USH2A: variants seen among roughly 807,000 people sequenced by gnomAD.
The protein encoded by USH2A is usherin.
Under a neutral mutation model 538.9 loss-of-function variants are expected in USH2A, and 443 were observed. The observed-to-expected ratio is 0.82, with a 90% CI of 0.76 to 0.89. The LOEUF (loss-of-function observed/expected upper bound fraction) is 0.89, where lower values mean the gene tolerates loss of function less well. Ranked by LOEUF, USH2A falls within the 40% of genes least tolerant of loss-of-function variation. The pLI is 0.00. For synonymous variants in USH2A, 2,413 were observed against 2,273.5 expected (o/e 1.06, Z -1.75); for missense variants, 6,633 against 6,324.8 (o/e 1.05, Z -1.65).
intron 32 of USH2A, among the ~76,000 whole-genome samples, chr1:216,024,670 A>G (rs1668921803): frequency 6.6e-6 from 1 of 151,988 alleles, no homozygotes; most frequent in Non-Finnish European, 1.5e-5. Context: ...TCCTTCATTT[A>G]TTAATTCCAT....
At chr1:216,016,631 C>T (rs1668718546) in intron 32 of USH2A, among the ~76,000 whole-genome samples, 1 of 152,144 alleles carries the variant, frequency 6.6e-6, no homozygotes, top group Non-Finnish European at 1.5e-5. Flanking sequence ...ATCCTTATAC[C>T]AGTCATCAGT....
rs1387176900 is a variant in USH2A at position 215,634,643 on chromosome 1, T to C, written c.15113A>G (p.Tyr5038Cys). ...KGSRSKSTEF[Y>C]SELWFIVLMA... ...TAACACTATGAACCACAGCTCGCTGTAGAACTCTGTGCTTTTGCTCCGCGA... is the reference window on the plus strand; with the variant it reads ...TAACACTATGAACCACAGCTCGCTGCAGAACTCTGTGCTTTTGCTCCGCGA... The change falls in exon 70 of 72, where the codon TAC becomes TGC. Residue 5038 changes from tyrosine (Y) to cysteine (C), a missense_variant. Physicochemically the swap from Tyr to Cys is radical, Grantham distance 194. Coordinates refer to ENST00000307340, the MANE Select transcript of USH2A (RefSeq NM_206933.4). The C allele has an allele frequency of 3.1e-6, 5 of 1,614,126 alleles. No individual in the cohort carries two copies. Among genetic ancestry groups the C allele is most frequent in the Admixed American group, 3.3e-5 (2 of 60,014 alleles).
intron 46 of USH2A, 144 bp from the exon 47 acceptor site, chr1:215,838,247 G>T (rs1390061891): frequency 1.1e-5 from 8 of 706,058 alleles, no homozygotes; most frequent in South Asian, 6.5e-5. Flanking sequence ...ATTCATTTTT[G>T]ATGTTAACTG....
chr1:215,775,635 C>G (rs1558092643), intron 55 of USH2A, among the ~76,000 whole-genome samples: 1 of 152,150 alleles, frequency 6.6e-6, no homozygotes, highest in African/African-American at 2.4e-5. Context: ...TATGGGAACA[C>G]ATAGCAGAGT....
chr1:216,193,226 A>G (rs905417146), intron 19 of USH2A, among the ~76,000 whole-genome samples: 5 of 152,182 alleles, frequency 3.3e-5, no homozygotes, highest in African/African-American at 1.2e-4. Context: ...CAAAGACCAC[A>G]TGAAAGTTAC....
chr1:216,215,795 GT>G (rs2035331668), intron 15 of USH2A, among the ~76,000 whole-genome samples: 1 of 152,072 alleles, frequency 6.6e-6, no homozygotes, highest in Non-Finnish European at 1.5e-5. Flanking sequence ...GAATGTGAGA[GT>G]TTTTAAAAAT....
Position 215,790,040 on chromosome 1 carries a change from G to C in USH2A, c.10182+19C>G. 6.2e-7 allele frequency: 1 copy of C among 1,609,418 alleles called. No homozygotes were observed. The highest frequency in any genetic ancestry group is 8.5e-7 in the Non-Finnish European group (1 of 1,178,260). ...TCCATTGTCAAATCAGCGCCTCCGA[G>C]AGCTTTTCTATCAATTACCTTCATC... On this transcript the variant is annotated intron_variant, in intron 51 of 71. Coordinates refer to ENST00000307340, the MANE Select transcript of USH2A (RefSeq NM_206933.4).
intron 11 of USH2A, among the ~76,000 whole-genome samples, chr1:216,280,297 C>T (rs770660475): frequency 6.6e-6 from 1 of 151,946 alleles, no homozygotes; most frequent in Non-Finnish European, 1.5e-5. Flanking sequence ...ATAAGATAGA[C>T]TTCTTTTCCA....
rs538406053 is a variant in USH2A at position 216,394,873 on chromosome 1, C to T, written c.651+23641G>A. ...AGCTGGGACTACAGGCGCCCGCCACCACGCCCGGCTAATTTTTTGTATTTT... is the reference window on the plus strand; with the variant it reads ...AGCTGGGACTACAGGCGCCCGCCACTACGCCCGGCTAATTTTTTGTATTTT... On this transcript the variant is annotated intron_variant, in intron 3 of 71. Coordinates refer to ENST00000307340, the MANE Select transcript of USH2A (RefSeq NM_206933.4). 3.0e-3 allele frequency among the ~76,000 whole-genome samples: 449 copies of T among 151,928 alleles called. 3 individuals are homozygous for T. Among genetic ancestry groups the T allele is most frequent in the African/African-American group, 9.9e-3 (411 of 41,462 alleles).
intron 21 of USH2A, among the ~76,000 whole-genome samples, chr1:216,097,929 G>A (rs2032482195): frequency 6.8e-6 from 1 of 146,704 alleles, no homozygotes; most frequent in Non-Finnish European, 1.5e-5. Flanking sequence ...ACCATTACAT[G>A]GCCCCATCTC....
At chr1:215,755,934 G>A (rs1386648656) in intron 58 of USH2A, among the ~76,000 whole-genome samples, 2 of 152,104 alleles carry the variant, frequency 1.3e-5, no homozygotes, top group African/African-American at 4.8e-5. Context: ...TTTGAAAGAG[G>A]TCTTGAAAAT....
intron 30 of USH2A, among the ~76,000 whole-genome samples, chr1:216,066,321 A>C (rs1389749170): frequency 1.3e-5 from 2 of 151,974 alleles, no homozygotes; most frequent in Non-Finnish European, 2.9e-5. Flanking sequence ...ATACAAAAAA[A>C]ATTACCCGGG....
intron 30 of USH2A, among the ~76,000 whole-genome samples, chr1:216,059,864 G>T (rs1187825332): frequency 1.3e-5 from 2 of 152,150 alleles, no homozygotes; most frequent in Non-Finnish European, 1.5e-5. Context: ...GAGGGGGCTG[G>T]TTGGAAATGC....
chr1:216,206,247 T>C (rs1257457744), intron 16 of USH2A, among the ~76,000 whole-genome samples: 1 of 152,206 alleles, frequency 6.6e-6, no homozygotes, highest in Non-Finnish European at 1.5e-5. Context: ...ATTAAAATGG[T>C]ATAATTCTCA....
rs771417608 is a variant in USH2A, at chr1:215,675,315, G to A, written c.12596C>T (p.Ala4199Val). 1.2e-6 allele frequency: 2 copies of A among 1,614,086 alleles called. No individual in the cohort carries two copies. Among genetic ancestry groups the A allele is most frequent in the Admixed American group, 1.7e-5 (1 of 60,016 alleles). Reference sequence around the variant, plus strand: ...GGCCTGGATTGTCTGATTTCCCCAAGCTTTTCCCTCGAAGCATCTGCGAAT... The same window carrying A: ...GGCCTGGATTGTCTGATTTCCCCAAACTTTTCCCTCGAAGCATCTGCGAAT... ...EVIRRCFEGK[A>V]WGNQTIQADE... Residue 4199 changes from alanine (A) to valine (V), a missense_variant, in exon 63 of 72, where the codon GCT becomes GTT. By Grantham distance (64) the Ala-to-Val change is moderately conservative (BLOSUM62 0). Transcript: ENST00000307340.
intron 55 of USH2A, among the ~76,000 whole-genome samples, chr1:215,775,338 A>G (rs1396935442): frequency 1.3e-5 from 2 of 152,168 alleles, no homozygotes; most frequent in African/African-American, 4.8e-5. Context: ...GGACCCCACA[A>G]TTTTGTTGCC....
chr1:216,289,170 T>C (rs772772837), intron 11 of USH2A, 110 bp downstream of exon 11: 70 of 1,506,290 alleles, frequency 4.6e-5, no homozygotes, highest in Non-Finnish European at 6.0e-5. Flanking sequence ...CAAATGCACA[T>C]AGAGGATTTC....
At chr1:216,014,210 G>A (rs888136479) in intron 32 of USH2A, among the ~76,000 whole-genome samples, 1 of 152,134 alleles carries the variant, frequency 6.6e-6, no homozygotes, top group Non-Finnish European at 1.5e-5. Context: ...AAATGGAGAA[G>A]AGGAGGAGGC....
chr1:216,210,745 G>A lies in USH2A; in HGVS notation c.3158-3314C>T, dbSNP rs114105912. On this transcript the variant is annotated intron_variant, in intron 15 of 71. Coordinates refer to ENST00000307340, the MANE Select transcript of USH2A (RefSeq NM_206933.4). Reference sequence around the variant, plus strand: ...CCTATCCAATGAAGTTGCTATAAAGGGTCGAGGCGGGCGGATCACGAGGTC... The same window carrying A: ...CCTATCCAATGAAGTTGCTATAAAGAGTCGAGGCGGGCGGATCACGAGGTC... Among the ~76,000 whole-genome samples, 1,406 of 152,042 alleles carry A rather than the reference G, an allele frequency of 9.2e-3. 22 individuals carry two copies. The highest frequency in any genetic ancestry group is 0.033 in the African/African-American group (1,361 of 41,448).
Sources: allele counts gnomAD v4.1 joint callset (sites outside exome capture counted in the v4.1 genomes callset), GRCh38; gene constraint gnomAD v4.1.1; transcripts MANE v1.5; gene names NCBI Gene and HGNC (gene_info 2026-07-23, HGNC 2026-07-21).